Variants in ANXA6 observed in about 807,000 individuals in gnomAD.
The protein encoded by ANXA6 is annexin A6, also known as 67 kDa calelectrin.
ANXA6 carries 71 observed loss-of-function variants against 95.4 expected under a neutral mutation model. The ratio of observed to expected loss-of-function variants is 0.74; its 90% CI spans 0.61 to 0.91. The LOEUF (loss-of-function observed/expected upper bound fraction) is 0.91, where lower values mean the gene tolerates loss of function less well. Among genes scored for constraint, ANXA6 ranks in the 40% least tolerant of loss-of-function variants. ANXA6 has a pLI of 0.00. For synonymous variants in ANXA6, 289 were observed against 315.9 expected (o/e 0.91, Z 0.90); for missense variants, 830 against 876.4 (o/e 0.95, Z 0.67).
At chr5:151,117,621 A>C in intron 19 of ANXA6, 137 bp downstream of exon 19, 1 of 745,054 alleles carries the variant, frequency 1.3e-6, no homozygotes, top group East Asian at 2.8e-5. Context: ...TGGAACTCTA[A>C]GGAGGCAAGT....
At chr5:151,101,693 A>G (rs1764556004) in intron 25 of ANXA6, among the ~76,000 whole-genome samples, 186 bp from the exon 26 acceptor site, 1 of 152,258 alleles carries the variant, frequency 6.6e-6, no homozygotes, top group Middle Eastern at 3.4e-3. Context: ...CCTTTTGTTT[A>G]TCCCCAGGAA....
At chr5:151,133,757 T>C (rs1370953872) in intron 8 of ANXA6, among the ~76,000 whole-genome samples, 1 of 152,194 alleles carries the variant, frequency 6.6e-6, no homozygotes, top group African/African-American at 2.4e-5. Flanking sequence ...TACTCAACCT[T>C]CAAGGCCCAG....
chr5:151,125,160 G>A (rs908196801), intron 14 of ANXA6, among the ~76,000 whole-genome samples: 2 of 152,040 alleles, frequency 1.3e-5, no homozygotes, highest in African/African-American at 2.4e-5. Flanking sequence ...GGTTCAAGAT[G>A]AGCCCAGGCA....
At chr5:151,131,041 T>G (rs1433641896) in intron 11 of ANXA6, among the ~76,000 whole-genome samples, 190 bp downstream of exon 11, 1 of 152,232 alleles carries the variant, frequency 6.6e-6, no homozygotes, top group Non-Finnish European at 1.5e-5. Flanking sequence ...CAGGCAGGTA[T>G]GCAGGTGGCA....
At position 151,101,920 on chromosome 5, in the gene ANXA6, C is replaced by G. The variant is rs150533551; in HGVS notation, c.1963-413G>C. ...GGCCACTCTCTTGCGTCAGGAGGCACAGTGAACTCTGGCCTCCCTTGGTTC... is the reference window on the plus strand; with the variant it reads ...GGCCACTCTCTTGCGTCAGGAGGCAGAGTGAACTCTGGCCTCCCTTGGTTC... On this transcript the variant is annotated intron_variant, in intron 25 of 25. Transcript: ENST00000354546. Among the ~76,000 whole-genome samples, 604 of 152,350 alleles carry G rather than the reference C, an allele frequency of 4.0e-3. 3 individuals carry two copies. The highest frequency in any genetic ancestry group is 0.014 in the African/African-American group (577 of 41,582).
intron 2 of ANXA6, among the ~76,000 whole-genome samples, chr5:151,141,909 G>A (rs1055233713): frequency 2.5e-4 from 38 of 152,128 alleles, no homozygotes; most frequent in African/African-American, 7.5e-4. Flanking sequence ...CAGACCTCAC[G>A]GCCGGAGCTT....
intron 24 of ANXA6, 49 bp downstream of exon 24, chr5:151,105,196 T>C (rs1471363995): frequency 1.3e-6 from 2 of 1,525,280 alleles, no homozygotes; most frequent in Non-Finnish European, 1.8e-6. Flanking sequence ...TTTGTGTGTG[T>C]ATGTAAGTCA....
chr5:151,100,908 AG>A lies in ANXA6; in HGVS notation c.*539del, dbSNP rs1256842053. ...CTAAGGTCAGAAACAAGTGCATGGC[AG>A]ATGCAGATTTGAACCCAGGCATCCA... On this transcript the variant is annotated 3_prime_UTR_variant, in exon 26 of 26. Transcript: ENST00000354546. 4 of 456,448 alleles carry A rather than the reference AG, an allele frequency of 8.8e-6. No homozygotes were observed. Among genetic ancestry groups the A allele is most frequent in the Non-Finnish European group, 1.8e-5 (4 of 227,078 alleles). The allele number at this position is 456,448 out of a possible 1,614,324, so 28.3% of individuals were successfully genotyped here. A position where few individuals can be genotyped will look rare whatever the true frequency, so the allele number is the denominator to read the frequency against.
intron 20 of ANXA6, among the ~76,000 whole-genome samples, chr5:151,111,944 A>G (rs1189448683): frequency 6.6e-6 from 1 of 151,374 alleles, no homozygotes; most frequent in Non-Finnish European, 1.5e-5. Flanking sequence ...GCATGCCACC[A>G]GCCCAGTTAA....
intron 1 of ANXA6, chr5:151,154,948 C>A (rs1048737342): frequency 6.9e-6 from 1 of 144,076 alleles, no homozygotes; most frequent in South Asian, 2.4e-4. Flanking sequence ...AGTATTGAGC[C>A]TCTCTGTGCC....
At position 151,108,328 on chromosome 5, in the gene ANXA6, T is replaced by C. The variant is rs1039076221; in HGVS notation, c.1780+127A>G. 15 of 849,936 alleles carry C rather than the reference T, an allele frequency of 1.8e-5. No homozygotes were observed. In the African/African-American group the frequency reaches 2.2e-4, roughly 12 times the overall value. 52.6% of individuals were successfully genotyped at this position (849,936 alleles called of 1,614,324 possible). On this transcript the variant is annotated intron_variant, in intron 23 of 25. Transcript: ENST00000354546. Reference sequence around the variant, plus strand: ...ACAATCACACATTTGGCAGCACCCCTGGAGGCGAACTGTGACAGTGTTTAC... The same window carrying C: ...ACAATCACACATTTGGCAGCACCCCCGGAGGCGAACTGTGACAGTGTTTAC...
intron 20 of ANXA6, among the ~76,000 whole-genome samples, chr5:151,113,146 A>G (rs963692381): frequency 2.0e-5 from 3 of 152,192 alleles, no homozygotes; most frequent in African/African-American, 2.4e-5. Flanking sequence ...CACGCCTGTA[A>G]TCTCAGCACT....
rs767320820 is a variant in ANXA6, at chr5:151,136,285, A to C, written c.460T>G (p.Phe154Val). Residue 154 changes from phenylalanine (F) to valine (V), a missense_variant, in exon 7 of 26, where the codon TTC becomes GTC. Phe to Val is a conservative substitution (Grantham distance 50). Transcript: ENST00000354546. ...AGCAGGACCACAAGCATCTTCTGGA[A>C]GTGGCCAGAGGTGTCGCCGATGATG... is the stretch of plus-strand genomic sequence containing the variant. ...ADIIGDTSGH[F>V]QKMLVVLLQG... The C allele has an allele frequency of 6.2e-7, 1 of 1,613,882 alleles. No homozygotes were observed. Among genetic ancestry groups the C allele is most frequent in the African/African-American group, 1.3e-5 (1 of 74,910 alleles).
intron 23 of ANXA6, among the ~76,000 whole-genome samples, chr5:151,106,576 A>C (rs1462881407): frequency 6.6e-6 from 1 of 152,134 alleles, no homozygotes; most frequent in Non-Finnish European, 1.5e-5. Context: ...TTCCCAGAAC[A>C]AACTGCAAAT....
chr5:151,109,132 T>TGGG lies in ANXA6; in HGVS notation c.1685-585_1685-583dup, dbSNP rs112500024. ...TGCCTGAGGTCACATGGCTGTTAAG[T>TGGG]GGGGGATTCAAATCAAGGCCGTCCA... is the stretch of plus-strand genomic sequence containing the variant. On this transcript the variant is annotated intron_variant, in intron 22 of 25. Coordinates refer to ENST00000354546, the MANE Select transcript of ANXA6 (RefSeq NM_001155.5). 6.8e-3 allele frequency among the ~76,000 whole-genome samples: 1,028 copies of TGGG among 152,024 alleles called. 12 individuals are homozygous for TGGG. The highest frequency in any genetic ancestry group is 0.024 in the African/African-American group (991 of 41,424).
chr5:151,115,817 G>T (rs986298780), intron 20 of ANXA6, among the ~76,000 whole-genome samples: 1 of 152,174 alleles, frequency 6.6e-6, no homozygotes, highest in Non-Finnish European at 1.5e-5. Flanking sequence ...CCAAAGCAAG[G>T]GTTGGACAAC....
chr5:151,146,198 G>A (rs918530735), intron 2 of ANXA6, among the ~76,000 whole-genome samples: 2 of 152,198 alleles, frequency 1.3e-5, no homozygotes, highest in African/African-American at 4.8e-5. Flanking sequence ...CTAGGTCCTG[G>A]CCTCTCTGAT....
intron 1 of ANXA6, chr5:151,150,818 C>G (rs1766090360): frequency 6.6e-6 from 1 of 152,386 alleles, no homozygotes; most frequent in African/African-American, 2.4e-5. Flanking sequence ...TAGGGGGAGA[C>G]AGTGAAGGAA....
At chr5:151,152,286 C>G (rs980099673) in intron 1 of ANXA6, among the ~76,000 whole-genome samples, 5 of 152,198 alleles carry the variant, frequency 3.3e-5, no homozygotes, top group African/African-American at 1.2e-4. Context: ...GCGTGGCACA[C>G]AGTAAAGGCT....
Sources: gnomAD v4.1 joint callset for allele counts (sites outside exome capture counted in the v4.1 genomes callset) on GRCh38, gnomAD v4.1.1 for gene constraint, MANE v1.5 for transcripts, NCBI Gene and HGNC (gene_info 2026-07-23, HGNC 2026-07-21) for gene names.